Variants in PIGN observed in about 807,000 individuals in gnomAD.
The protein encoded by PIGN is phosphatidylinositol glycan anchor biosynthesis class N, also known as GPI ethanolamine phosphate transferase 1.
PIGN carries 117 observed loss-of-function variants against 125.4 expected under a neutral mutation model. The ratio of observed to expected loss-of-function variants is 0.93; its 90% CI spans 0.80 to 1.09. The LOEUF (loss-of-function observed/expected upper bound fraction) is 1.09, where lower values mean the gene tolerates loss of function less well. PIGN is among the 50% of genes least tolerant of loss of function. The probability of loss-of-function intolerance (pLI) is 0.00; values close to 1 mark genes in which losing one functional copy is unlikely to be tolerated. For missense variants in PIGN, 1,075 were observed against 1,094.9 expected, an observed-to-expected ratio of 0.98 and a Z score of 0.26; for synonymous variants, 392 against 377.8, an observed-to-expected ratio of 1.04 and a Z score of -0.44.
chr18:62,090,480 T>C lies in PIGN; in HGVS notation c.2279A>G (p.Gln760Arg), dbSNP rs960159107. The change falls in exon 24 of 31, where the codon CAA (glutamine) becomes CGA (arginine). Residue 760 changes from glutamine to arginine, a missense_variant. By Grantham distance (43) the Gln-to-Arg change is conservative (BLOSUM62 1). This residue lies in a region of PIGN where 915 missense variants were observed against 908.7 expected (regional missense o/e 1.01). Transcript: ENST00000640252. ...TLQQSGVCCK[Q>R]KLTSIQFSYN... Reference sequence around the variant, plus strand: ...AAAATGACTTTGACCAGCTACCTTTTGTTTACAGCAAACACCAGATTGTTG... The same window carrying C: ...AAAATGACTTTGACCAGCTACCTTTCGTTTACAGCAAACACCAGATTGTTG... 1.3e-6 allele frequency: 2 copies of C among 1,593,296 alleles called. No individual in the cohort carries two copies. The highest frequency in any genetic ancestry group is 4.5e-5 in the East Asian group (2 of 44,374).
chr18:62,085,323 T>C (rs2033647215), intron 25 of PIGN, 59 bp from the exon 26 acceptor site: 1 of 1,150,606 alleles, frequency 8.7e-7, no homozygotes, highest in Admixed American at 2.2e-5. Context: ...TTCCTTTTCA[T>C]TTAGAAAAGA....
chr18:62,020,672 G>A (rs564334575), intron 23 of PIGN, among the ~76,000 whole-genome samples: 34 of 151,872 alleles, frequency 2.2e-4, no homozygotes, highest in Non-Finnish European at 4.3e-4. Flanking sequence ...AAGACTGGCC[G>A]GGCGCGGTGG....
chr18:62,096,490 A>C (rs1339879195), intron 22 of PIGN, among the ~76,000 whole-genome samples: 2 of 147,100 alleles, frequency 1.4e-5, no homozygotes, highest in African/African-American at 5.1e-5. Context: ...AACTATAATA[A>C]TATTAACTCA....
downstream of PIGN, among the ~76,000 whole-genome samples, chr18:62,039,753 G>A (rs1334016969): frequency 1.3e-5 from 1 of 79,824 alleles, no homozygotes; most frequent in African/African-American, 3.8e-5. Context: ...CCCATCCAGG[G>A]TGCCGCACCC....
intron 17 of PIGN, among the ~76,000 whole-genome samples, chr18:62,109,303 C>G (rs2034779080): frequency 6.6e-6 from 1 of 152,126 alleles, no homozygotes; most frequent in African/African-American, 2.4e-5. Context: ...GAAGCACTTA[C>G]AGGTAGAACC....
At chr18:62,144,376 G>A (rs1051554387) in intron 10 of PIGN, among the ~76,000 whole-genome samples, 6 of 152,216 alleles carry the variant, frequency 3.9e-5, no homozygotes, top group Middle Eastern at 3.4e-3. Flanking sequence ...CACTGCACTC[G>A]GAACATACTT....
chr18:62,085,950 C>T (rs185912420), intron 25 of PIGN, among the ~76,000 whole-genome samples: 1 of 152,210 alleles, frequency 6.6e-6, no homozygotes, highest in South Asian at 2.1e-4. Context: ...TGAGGCAACG[C>T]CGAAGAGGAA....
intron 14 of PIGN, among the ~76,000 whole-genome samples, chr18:62,115,113 C>T (rs1279708760): frequency 2.0e-5 from 3 of 152,132 alleles, no homozygotes; most frequent in Non-Finnish European, 2.9e-5. Flanking sequence ...AGACTAACCA[C>T]CATTGGAAGT....
At chr18:62,127,764 C>T (rs907495504) in intron 14 of PIGN, among the ~76,000 whole-genome samples, 1 of 151,934 alleles carries the variant, frequency 6.6e-6, no homozygotes, top group African/African-American at 2.4e-5. Flanking sequence ...GACTGAGGTT[C>T]GCTGGAGCCT....
intron 4 of PIGN, among the ~76,000 whole-genome samples, chr18:62,159,899 G>A (rs2036881905): frequency 6.6e-6 from 1 of 152,158 alleles, no homozygotes; most frequent in South Asian, 2.1e-4. Flanking sequence ...GGATCATGAG[G>A]TCAGGAGATC....
chr18:62,025,649 G>T (rs1599375233), intron 23 of PIGN, among the ~76,000 whole-genome samples: 1 of 152,170 alleles, frequency 6.6e-6, no homozygotes, highest in Non-Finnish European at 1.5e-5. Context: ...CCTCCAGGTT[G>T]CATCTGGACA....
intron 4 of PIGN, among the ~76,000 whole-genome samples, chr18:62,160,353 C>T (rs2036904616): frequency 6.6e-6 from 1 of 152,020 alleles, no homozygotes; most frequent in East Asian, 1.9e-4. Flanking sequence ...TTAACAGAAG[C>T]CAAAGTTATG....
chr18:62,164,434 A>G (rs9951284), intron 1 of PIGN, among the ~76,000 whole-genome samples: 88,622 of 152,006 alleles, frequency 0.58, 26,620 homozygotes, highest in East Asian at 0.78. Context: ...GAGGCCTCAG[A>G]AAACTTAAAT....
chr18:62,113,050 T>A, intron 16 of PIGN, 84 bp downstream of exon 16: 1 of 1,004,544 alleles, frequency 1.0e-6, no homozygotes, highest in East Asian at 2.7e-5. Flanking sequence ...AACAATGACT[T>A]GCACATCCTA....
chr18:62,030,441 T>C (rs2030180885), intron 23 of PIGN, among the ~76,000 whole-genome samples: 1 of 152,202 alleles, frequency 6.6e-6, no homozygotes, highest in South Asian at 2.1e-4. Context: ...GGGTTTATCA[T>C]AAACTTTCAA....
At chr18:62,158,121 C>T (rs2036808407) in intron 4 of PIGN, 1 of 219,626 alleles carries the variant, frequency 4.6e-6, no homozygotes, top group Admixed American at 5.2e-5. Flanking sequence ...AGAGATAAAA[C>T]ATATATTATT....
intron 30 of PIGN, among the ~76,000 whole-genome samples, chr18:62,049,575 G>A (rs1000507568): frequency 4.7e-5 from 7 of 150,490 alleles, no homozygotes; most frequent in Admixed American, 4.0e-4. Flanking sequence ...ATTTGTTTGA[G>A]TTCATTGTAG....
intron 23 of PIGN, among the ~76,000 whole-genome samples, chr18:62,092,316 T>C (rs2033998150): frequency 6.6e-6 from 1 of 152,150 alleles, no homozygotes; most frequent in Non-Finnish European, 1.5e-5. Context: ...GATGAAATAG[T>C]ACCCCTCATA....
intron 1 of PIGN, among the ~76,000 whole-genome samples, chr18:62,167,286 A>ATGTG (rs61310777): frequency 6.4e-4 from 89 of 139,450 alleles, no homozygotes; most frequent in East Asian, 1.0e-3. Context: ...AGAGATATAT[A>ATGTG]TGTGTGTGTG....
Sources: allele counts gnomAD v4.1 joint callset (sites outside exome capture counted in the v4.1 genomes callset), GRCh38; gene constraint gnomAD v4.1.1; regional missense constraint gnomAD v4.1.1; transcripts MANE v1.5; gene names NCBI Gene and HGNC (gene_info 2026-07-23, HGNC 2026-07-21).